Variants in PTPN2 observed in about 807,000 individuals in gnomAD.
PTPN2 encodes the protein protein tyrosine phosphatase non-receptor type 2, also known as tyrosine-protein phosphatase non-receptor type 2.
In PTPN2, 19 loss-of-function variants were observed where a neutral mutation model predicts 57.3. That is an observed-to-expected ratio of 0.33 (90% confidence interval 0.23 to 0.49). The LOEUF (loss-of-function observed/expected upper bound fraction) is 0.49. PTPN2 is among the 20% of genes least tolerant of loss of function. The pLI is 0.99. For synonymous variants in PTPN2, 153 were observed against 164.9 expected (o/e 0.93, Z 0.55); for missense variants, 358 against 501.1 (o/e 0.71, Z 2.73).
At chr18:12,834,972 A>G (rs986657238) in intron 3 of PTPN2, among the ~76,000 whole-genome samples, 1 of 152,114 alleles carries the variant, frequency 6.6e-6, no homozygotes, top group Non-Finnish European at 1.5e-5. Context: ...CACATGTCCA[A>G]GCCCCACTGG....
intron 2 of PTPN2, among the ~76,000 whole-genome samples, chr18:12,843,197 T>G (rs986784637): frequency 2.6e-5 from 4 of 152,082 alleles, no homozygotes; most frequent in Non-Finnish European, 5.9e-5. Flanking sequence ...AGAAACACTA[T>G]CAGCATCCCA....
At chr18:12,866,587 G>A (rs2044002449) in intron 1 of PTPN2, among the ~76,000 whole-genome samples, 2 of 152,210 alleles carry the variant, frequency 1.3e-5, no homozygotes, top group South Asian at 2.1e-4. Flanking sequence ...TGAGAATGGA[G>A]AATAACTGTA....
intron 7 of PTPN2, among the ~76,000 whole-genome samples, chr18:12,807,586 A>AAAAAAAAAAAAAAAAATATATATATAT: frequency 2.8e-5 from 1 of 35,200 alleles, no homozygotes; most frequent in African/African-American, 7.0e-5. Context: ...AAAAAAAAAA[A>AAAAAAAAAAAAAAAAATATATATATAT]ATATATATAT....
Position 12,862,913 on chromosome 18 carries a change from C to T in PTPN2, c.70-3659G>A, listed in dbSNP as rs1038541071. On this transcript the variant is annotated intron_variant, in intron 1 of 8. Transcript: ENST00000309660. ...TCTTTCCCATGTAGCTAAATCAGGTCTGTAATATACGCAGCAAAACCAAAT... is the reference window on the plus strand; with the variant it reads ...TCTTTCCCATGTAGCTAAATCAGGTTTGTAATATACGCAGCAAAACCAAAT... Among the ~76,000 whole-genome samples, 169 of 31,778 alleles carry T rather than the reference C, an allele frequency of 5.3e-3. 3 individuals are homozygous for T. Among genetic ancestry groups the T allele is most frequent in the Non-Finnish European group, 0.013 (65 of 5,064 alleles). 20.8% of individuals were successfully genotyped at this position (31,778 alleles called of 152,430 possible). A position where few individuals can be genotyped will look rare whatever the true frequency, so the allele number is the denominator to read the frequency against.
At chr18:12,820,267 C>G (rs1598784994) in intron 5 of PTPN2, among the ~76,000 whole-genome samples, 2 of 151,962 alleles carry the variant, frequency 1.3e-5, no homozygotes, top group African/African-American at 4.8e-5. Context: ...TTTTTTTCCC[C>G]CCTACAGAAC....
At chr18:12,852,182 T>C (rs989133335) in intron 2 of PTPN2, among the ~76,000 whole-genome samples, 1 of 98,612 alleles carries the variant, frequency 1.0e-5, no homozygotes, top group African/African-American at 3.3e-5. Context: ...ATTTATGGTA[T>C]GGGTTTTTAA....
chr18:12,842,674 G>C (rs548272876), intron 2 of PTPN2, among the ~76,000 whole-genome samples: 2 of 152,332 alleles, frequency 1.3e-5, no homozygotes, highest in South Asian at 4.1e-4. Flanking sequence ...GGACAAAGCG[G>C]AGAGGAGCAG....
At chr18:12,837,156 A>T (rs2042894981) in intron 2 of PTPN2, among the ~76,000 whole-genome samples, 1 of 152,196 alleles carries the variant, frequency 6.6e-6, no homozygotes, top group Non-Finnish European at 1.5e-5. Flanking sequence ...ATCGACCAGG[A>T]GTAAACATAG....
intron 2 of PTPN2, among the ~76,000 whole-genome samples, chr18:12,849,817 T>C (rs1194729501): frequency 1.3e-5 from 2 of 152,102 alleles, no homozygotes; most frequent in African/African-American, 4.8e-5. Flanking sequence ...AGACTCTACT[T>C]CTGCTTGAGT....
At chr18:12,831,809 A>G (rs78544273) in intron 3 of PTPN2, among the ~76,000 whole-genome samples, 1 of 152,364 alleles carries the variant, frequency 6.6e-6, no homozygotes, top group Non-Finnish European at 1.5e-5. Context: ...CCATGTTACA[A>G]CAATGCCATG....
chr18:12,859,562 T>C (rs550619656), intron 1 of PTPN2, among the ~76,000 whole-genome samples: 1 of 152,328 alleles, frequency 6.6e-6, no homozygotes, highest in South Asian at 2.1e-4. Context: ...GCTCTAGATC[T>C]GTTTACTTAC....
intron 7 of PTPN2, among the ~76,000 whole-genome samples, chr18:12,812,520 A>G (rs2041926136): frequency 6.6e-6 from 1 of 152,094 alleles, no homozygotes; most frequent in African/African-American, 2.4e-5. Flanking sequence ...AACCACTTGA[A>G]CCTGGGAGGC....
At chr18:12,835,382 C>CTTTCTTTTTTTTTTTTTTTTTTTT (rs2042821259) in intron 3 of PTPN2, among the ~76,000 whole-genome samples, 2 of 99,026 alleles carry the variant, frequency 2.0e-5, no homozygotes, top group Admixed American at 1.3e-4. Context: ...TCACATATGT[C>CTTTCTTTTTTTTTTTTTTTTTTTT]TTTTTTTTTT....
intron 1 of PTPN2, chr18:12,862,765 T>C (rs1434112299): frequency 6.6e-6 from 1 of 152,044 alleles, no homozygotes; most frequent in Non-Finnish European, 1.5e-5. Flanking sequence ...TAAGCAGAAA[T>C]ACCAGCATTG....
rs966065358 is a variant in PTPN2, at chr18:12,794,162, T to C, written c.*116A>G. 59 of 1,510,180 alleles carry C rather than the reference T, an allele frequency of 3.9e-5. No individual in the cohort carries two copies. The highest frequency in any genetic ancestry group is 4.9e-5 in the Non-Finnish European group (56 of 1,135,110). 93.5% of individuals were successfully genotyped at this position (1,510,180 alleles called of 1,614,324 possible). A position where few individuals can be genotyped will look rare whatever the true frequency, so the allele number is the denominator to read the frequency against. ...CTGTAAATATCACTTATCTGGTTGA[T>C]GTCTATTCTACTGCACCGTTTTTGG... On this transcript the variant is annotated 3_prime_UTR_variant, in exon 9 of 9. Transcript: ENST00000309660.
Position 12,794,023 on chromosome 18 carries a change from T to G in PTPN2, c.*255A>C, listed in dbSNP as rs930498054. The stretch of plus-strand genomic sequence containing the variant: ...CTGTGTTTGACATGTATGAATACAG[T>G]TGCAAAATTTACCAGTTTTTAACAA... On this transcript the variant is annotated 3_prime_UTR_variant, in exon 9 of 9. Transcript: ENST00000309660. The G allele has an allele frequency of 7.3e-7, 1 of 1,363,552 alleles. No homozygotes were observed. The highest frequency in any genetic ancestry group is 1.7e-5 in the South Asian group (1 of 59,980). The allele number at this position is 1,363,552 out of a possible 1,614,324, so 84.5% of individuals were successfully genotyped here.
At chr18:12,800,376 G>A (rs57450722) in intron 8 of PTPN2, among the ~76,000 whole-genome samples, 22,395 of 151,970 alleles carry the variant, frequency 0.15, 1,815 homozygotes, top group African/African-American at 0.2. Context: ...GGAAAAAGCA[G>A]TAACACTAGG....
chr18:12,869,456 T>C (rs1165795506), intron 1 of PTPN2, among the ~76,000 whole-genome samples: 3 of 152,266 alleles, frequency 2.0e-5, no homozygotes, highest in African/African-American at 7.2e-5. Context: ...CCATGGCGCC[T>C]GGTTTTGAAG....
At chr18:12,837,565 T>C (rs897566306) in intron 2 of PTPN2, among the ~76,000 whole-genome samples, 4 of 152,186 alleles carry the variant, frequency 2.6e-5, no homozygotes, top group Admixed American at 2.0e-4. Flanking sequence ...TGTGACCTTA[T>C]ACATTTAGAT....
Sources: allele counts gnomAD v4.1 joint callset (sites outside exome capture counted in the v4.1 genomes callset), GRCh38; gene constraint gnomAD v4.1.1; transcripts MANE v1.5; gene names NCBI Gene and HGNC (gene_info 2026-07-23, HGNC 2026-07-21).